RAB3GAP2: variants seen among roughly 807,000 people sequenced by gnomAD.
The protein encoded by RAB3GAP2 is rab3 GTPase-activating protein non-catalytic subunit.
In RAB3GAP2, 87 loss-of-function variants were observed where a neutral mutation model predicts 185.3. The observed-to-expected ratio is 0.47, with a 90% CI of 0.39 to 0.56. The LOEUF (loss-of-function observed/expected upper bound fraction) is 0.56, where lower values mean the gene tolerates loss of function less well. Among genes scored for constraint, RAB3GAP2 ranks in the 20% least tolerant of loss-of-function variants. RAB3GAP2 has a pLI of 0.00. For synonymous variants in RAB3GAP2, 554 were observed against 576.1 expected (o/e 0.96, Z 0.55); for missense variants, 1,492 against 1,638.2 (o/e 0.91, Z 1.54).
chr1:220,254,320 G>A lies in RAB3GAP2; in HGVS notation c.115+17903C>T, dbSNP rs570644251. 28 of 1,613,452 alleles carry A rather than the reference G, an allele frequency of 1.7e-5. 1 individual carries two copies. The South Asian group carries it at 2.5e-4, about 15-fold the overall frequency. ...TGCCGAAATTCTTGCAGATCATCCC[G>A]ATGCACCCATGTCCCAGGTGTATGG... On this transcript the variant is annotated intron_variant, in intron 1 of 34. Coordinates refer to ENST00000358951, the MANE Select transcript of RAB3GAP2 (RefSeq NM_012414.4).
intron 21 of RAB3GAP2, among the ~76,000 whole-genome samples, chr1:220,178,992 C>G (rs548354473): frequency 6.6e-6 from 1 of 151,922 alleles, no homozygotes; most frequent in East Asian, 1.9e-4. Context: ...ATACAAGAAA[C>G]TCACTTCACC....
At chr1:220,163,366 ATTTT>A (rs1315429896) in intron 27 of RAB3GAP2, among the ~76,000 whole-genome samples, 1 of 139,190 alleles carries the variant, frequency 7.2e-6, no homozygotes, top group Non-Finnish European at 1.6e-5. Context: ...TAGTAACTTA[ATTTT>A]TTTTTTTTTT....
chr1:220,219,064 T>C (rs1203936127), intron 2 of RAB3GAP2, among the ~76,000 whole-genome samples: 1 of 152,160 alleles, frequency 6.6e-6, no homozygotes, highest in Non-Finnish European at 1.5e-5. Context: ...CAGAGTAAAT[T>C]TTACCATATT....
At chr1:220,218,339 A>G (rs11118505) in intron 2 of RAB3GAP2, among the ~76,000 whole-genome samples, 7,153 of 152,228 alleles carry the variant, frequency 0.047, 582 homozygotes, top group African/African-American at 0.16. Flanking sequence ...TGAGCATTAC[A>G]TATTATAAAA....
Position 220,150,196 on chromosome 1 carries a change from C to T in RAB3GAP2, c.*1055G>A, listed in dbSNP as rs933544276. On this transcript the variant is annotated 3_prime_UTR_variant, in exon 35 of 35. Coordinates refer to ENST00000358951, the MANE Select transcript of RAB3GAP2 (RefSeq NM_012414.4). ...CTCAAGCGATCCTCCTCCAGCCTCC[C>T]GAGTAGCTATAGTTTGGTTTTAATC... 6.6e-6 allele frequency: 1 copy of T among 151,366 alleles called. No individual in the cohort carries two copies. Among genetic ancestry groups the T allele is most frequent in the African/African-American group, 2.4e-5 (1 of 41,160 alleles). The allele number at this position is 151,366 out of a possible 1,614,324, so 9.4% of individuals were successfully genotyped here. A position where few individuals can be genotyped will look rare whatever the true frequency, so the allele number is the denominator to read the frequency against.
At chr1:220,154,681 C>T (rs1373268140) in intron 31 of RAB3GAP2, among the ~76,000 whole-genome samples, 3 of 151,200 alleles carry the variant, frequency 2.0e-5, no homozygotes, top group Admixed American at 6.6e-5. Context: ...TGATTTACTC[C>T]GCAGTAATAG....
intron 1 of RAB3GAP2, chr1:220,253,764 C>G: frequency 1.2e-6 from 2 of 1,611,682 alleles, no homozygotes; most frequent in Non-Finnish European, 1.7e-6. Context: ...TACTCAAATA[C>G]GTGGACACCA....
chr1:220,208,499 T>C (rs12033612), intron 7 of RAB3GAP2, among the ~76,000 whole-genome samples: 5,814 of 152,274 alleles, frequency 0.038, 145 homozygotes, highest in Non-Finnish European at 0.048. Context: ...TTTTGTATCA[T>C]TACATGATAT....
chr1:220,190,929 C>A, intron 14 of RAB3GAP2, 139 bp downstream of exon 14: 1 of 856,490 alleles, frequency 1.2e-6, no homozygotes. Flanking sequence ...GCCAGGCACT[C>A]ACAGGAAAAA....
chr1:220,252,837 C>T (rs964072610), intron 1 of RAB3GAP2, among the ~76,000 whole-genome samples: 7 of 152,102 alleles, frequency 4.6e-5, no homozygotes, highest in Non-Finnish European at 7.4e-5. Context: ...CAGCTGGGAT[C>T]GCTGGCAAGG....
At chr1:220,164,594 C>A in intron 27 of RAB3GAP2, 139 bp downstream of exon 27, 1 of 1,260,966 alleles carries the variant, frequency 7.9e-7, no homozygotes, top group Non-Finnish European at 1.1e-6. Context: ...TGCACCTCAG[C>A]CAATACACAG....
intron 2 of RAB3GAP2, among the ~76,000 whole-genome samples, chr1:220,227,780 C>T (rs1047286024): frequency 5.9e-5 from 9 of 152,218 alleles, no homozygotes; most frequent in African/African-American, 2.2e-4. Flanking sequence ...GAGACAGAGT[C>T]TTACTCTGTT....
chr1:220,181,971 C>T (rs1010965235), intron 21 of RAB3GAP2, among the ~76,000 whole-genome samples: 2 of 151,606 alleles, frequency 1.3e-5, no homozygotes, highest in African/African-American at 4.8e-5. Flanking sequence ...GAGGTTGGGG[C>T]CACAGTGAGC....
intron 2 of RAB3GAP2, among the ~76,000 whole-genome samples, chr1:220,216,155 A>G (rs952217012): frequency 3.3e-5 from 5 of 152,110 alleles, no homozygotes; most frequent in African/African-American, 9.7e-5. Context: ...TTGCAATGGG[A>G]TATTAGGAAA....
chr1:220,217,097 T>C (rs527300188), intron 2 of RAB3GAP2, among the ~76,000 whole-genome samples: 7 of 152,272 alleles, frequency 4.6e-5, no homozygotes, highest in African/African-American at 1.4e-4. Flanking sequence ...GCTCCAGCCA[T>C]AGAATTAGTG....
chr1:220,239,855 T>C (rs772147374), intron 1 of RAB3GAP2, among the ~76,000 whole-genome samples: 1 of 152,106 alleles, frequency 6.6e-6, no homozygotes, highest in Non-Finnish European at 1.5e-5. Context: ...TAACAAAACA[T>C]CCTACATCAA....
At chr1:220,191,856 G>A (rs76092165) in intron 13 of RAB3GAP2, among the ~76,000 whole-genome samples, 1 of 151,808 alleles carries the variant, frequency 6.6e-6, no homozygotes, top group Non-Finnish European at 1.5e-5. Flanking sequence ...TATAATTGAA[G>A]CCACCTGATT....
At chr1:220,194,517 G>A (rs747403328) in intron 12 of RAB3GAP2, among the ~76,000 whole-genome samples, 20 of 151,898 alleles carry the variant, frequency 1.3e-4, no homozygotes, top group Non-Finnish European at 2.1e-4. Flanking sequence ...CTCAGCCACC[G>A]GAGTAGCTGG....
chr1:220,167,785 C>T, intron 24 of RAB3GAP2, 110 bp from the exon 25 acceptor site: 2 of 1,174,730 alleles, frequency 1.7e-6, no homozygotes, highest in African/African-American at 1.5e-5. Flanking sequence ...ATTCATTTCT[C>T]AGCCTGAAGC....
Sources: allele counts gnomAD v4.1 joint callset (sites outside exome capture counted in the v4.1 genomes callset), GRCh38; gene constraint gnomAD v4.1.1; transcripts MANE v1.5; gene names NCBI Gene and HGNC (gene_info 2026-07-23, HGNC 2026-07-21).